The following CFAP61 variants were observed in gnomAD, a reference collection of about 807,000 sequenced individuals.
CFAP61 encodes cilia- and flagella-associated protein 61.
Under a neutral mutation model 135.6 loss-of-function variants are expected in CFAP61, and 107 were observed. The ratio of observed to expected loss-of-function variants is 0.79; its 90% CI spans 0.67 to 0.93. The LOEUF (loss-of-function observed/expected upper bound fraction) is 0.93, where lower values mean the gene tolerates loss of function less well. Ranked by LOEUF, CFAP61 falls within the 40% of genes least tolerant of loss-of-function variation. The pLI, the probability that CFAP61 is intolerant of heterozygous loss-of-function variation, is 0.00. For missense variants in CFAP61, 1,507 were observed against 1,556.2 expected (o/e 0.97, Z 0.53); for synonymous variants, 575 against 578.5 (o/e 0.99, Z 0.09).
chr20:20,325,173 A>G (rs2057696601), intron 25 of CFAP61, among the ~76,000 whole-genome samples: 3 of 152,206 alleles, frequency 2.0e-5, no homozygotes. Flanking sequence ...AGTTTCTACT[A>G]TTATTTACAT....
At chr20:20,137,605 G>C (rs1260200539) in intron 8 of CFAP61, among the ~76,000 whole-genome samples, 1 of 152,152 alleles carries the variant, frequency 6.6e-6, no homozygotes, top group Non-Finnish European at 1.5e-5. Context: ...CTGTCAGCTT[G>C]TGGTGAATGC....
At chr20:20,211,258 A>G (rs1226603055) in intron 17 of CFAP61, among the ~76,000 whole-genome samples, 1 of 152,238 alleles carries the variant, frequency 6.6e-6, no homozygotes, top group Non-Finnish European at 1.5e-5. Flanking sequence ...GGGCTGCCCC[A>G]CGTGGCCTTG....
chr20:20,343,790 T>G (rs947132428), intron 26 of CFAP61, among the ~76,000 whole-genome samples: 6 of 151,752 alleles, frequency 4.0e-5, no homozygotes, highest in Non-Finnish European at 5.9e-5. Context: ...AGCCAGGGGG[T>G]TTTAGTCTTA....
intron 18 of CFAP61, among the ~76,000 whole-genome samples, chr20:20,235,463 G>A (rs561090101): frequency 6.6e-6 from 1 of 152,132 alleles, no homozygotes; most frequent in Non-Finnish European, 1.5e-5. Context: ...CACGAGACCT[G>A]CAGGGACACA....
intron 12 of CFAP61, among the ~76,000 whole-genome samples, chr20:20,168,746 C>T (rs1247720522): frequency 6.6e-6 from 1 of 152,216 alleles, no homozygotes; most frequent in Non-Finnish European, 1.5e-5. Flanking sequence ...TCAGGACATG[C>T]AAGACCTCTT....
chr20:20,166,412 GA>G lies in CFAP61; in HGVS notation c.1223del (p.Asn408IlefsTer14), dbSNP rs751289656. The G allele has an allele frequency of 2.5e-6, 4 of 1,613,626 alleles. No individual in the cohort carries two copies. The Admixed American group carries it at 6.7e-5, about 27-fold the overall frequency. The part of the protein sequence containing the change: ...KYEARSLDFM[N>X]FVFSLFSDKN... ...TTGTTTACAGGTCGCTGGATTTTATGAATTTTGTTTTCAGTCTTTTTTCTGT... is the reference window on the plus strand; with the variant it reads ...TTGTTTACAGGTCGCTGGATTTTATGATTTTGTTTTCAGTCTTTTTTCTGT... On this transcript the variant is annotated frameshift_variant, in exon 12 of 27. Coordinates refer to ENST00000245957, the MANE Select transcript of CFAP61 (RefSeq NM_015585.4). LOFTEE classifies it high-confidence loss of function.
At chr20:20,101,966 C>T (rs904503555) in intron 8 of CFAP61, among the ~76,000 whole-genome samples, 3 of 152,146 alleles carry the variant, frequency 2.0e-5, no homozygotes, top group Admixed American at 2.0e-4. Context: ...TGAATGATCA[C>T]TTCAGTGGGT....
intron 9 of CFAP61, among the ~76,000 whole-genome samples, chr20:20,156,207 G>A (rs987528111): frequency 6.6e-6 from 1 of 151,900 alleles, no homozygotes; most frequent in African/African-American, 2.4e-5. Context: ...ATACAAAAAG[G>A]ATAATCATGA....
chr20:20,201,019 G>A (rs6112818), intron 17 of CFAP61: 102,070 of 921,594 alleles, frequency 0.11, 5,796 homozygotes, highest in Middle Eastern at 0.15. Flanking sequence ...TGTGAGTAGA[G>A]ACTGTTCATA....
intron 24 of CFAP61, among the ~76,000 whole-genome samples, chr20:20,292,545 C>G (rs957331015): frequency 6.6e-6 from 1 of 152,208 alleles, no homozygotes; most frequent in African/African-American, 2.4e-5. Flanking sequence ...CAGATTGTCT[C>G]TGCTCCACAC....
chr20:20,174,492 T>C (rs2065832618), intron 13 of CFAP61, among the ~76,000 whole-genome samples: 1 of 152,238 alleles, frequency 6.6e-6, no homozygotes, highest in Non-Finnish European at 1.5e-5. Flanking sequence ...TCTTTAAACC[T>C]TATTATAAGC....
chr20:20,247,979 T>A (rs2050598404), intron 19 of CFAP61, among the ~76,000 whole-genome samples: 1 of 152,254 alleles, frequency 6.6e-6, no homozygotes, highest in African/African-American at 2.4e-5. Flanking sequence ...TTTGAAATAA[T>A]GTTTATTCTT....
intron 21 of CFAP61, among the ~76,000 whole-genome samples, chr20:20,270,351 A>G (rs2053246011): frequency 6.6e-6 from 1 of 152,184 alleles, no homozygotes; most frequent in African/African-American, 2.4e-5. Context: ...AGCAGAGCAC[A>G]ATTTCCAGAT....
At position 20,132,828 on chromosome 20, in the gene CFAP61, C is replaced by G. The variant is rs144346298; in HGVS notation, c.860-10029C>G. ...CCACATCAGCTTTCTTTGATTTTTA[C>G]TTACATGCCATATTTTTTTCCTGTC... is the stretch of plus-strand genomic sequence containing the variant. On this transcript the variant is annotated intron_variant, in intron 8 of 26. Transcript: ENST00000245957. Among the ~76,000 whole-genome samples the G allele has an allele frequency of 1.6e-4, 24 of 152,116 alleles. No homozygotes were observed. In the East Asian group the frequency reaches 4.6e-3, roughly 29 times the overall value.
chr20:20,251,203 C>T (rs925554771), intron 19 of CFAP61, among the ~76,000 whole-genome samples: 4 of 152,162 alleles, frequency 2.6e-5, no homozygotes, highest in Non-Finnish European at 5.9e-5. Context: ...CACTTTCTTC[C>T]TTCTCATTCC....
At chr20:20,095,033 C>T (rs1221260439) in intron 7 of CFAP61, among the ~76,000 whole-genome samples, 3 of 152,086 alleles carry the variant, frequency 2.0e-5, no homozygotes, top group South Asian at 2.1e-4. Flanking sequence ...TTATAGAAAC[C>T]TACAGTGTAA....
At chr20:20,303,737 G>A (rs561957432) in intron 25 of CFAP61, among the ~76,000 whole-genome samples, 1 of 152,248 alleles carries the variant, frequency 6.6e-6, no homozygotes, top group East Asian at 1.9e-4. Context: ...GTTCAGACCA[G>A]GCACGTTTCA....
chr20:20,148,396 T>C (rs374373703), intron 9 of CFAP61, among the ~76,000 whole-genome samples: 4 of 150,088 alleles, frequency 2.7e-5, no homozygotes, highest in Admixed American at 1.3e-4. Context: ...ATGGGATGTA[T>C]TTCCATTTGT....
intron 7 of CFAP61, among the ~76,000 whole-genome samples, chr20:20,095,255 G>A (rs544735199): frequency 1.3e-5 from 2 of 152,208 alleles, no homozygotes; most frequent in South Asian, 4.1e-4. Flanking sequence ...TGATGACAGC[G>A]CTTACACCTC....
Sources: allele counts gnomAD v4.1 joint callset (sites outside exome capture counted in the v4.1 genomes callset), GRCh38; gene constraint gnomAD v4.1.1; transcripts MANE v1.5; gene names NCBI Gene and HGNC (gene_info 2026-07-23, HGNC 2026-07-21).